Variants in EYA4 observed in about 807,000 individuals in gnomAD.
The protein encoded by EYA4 is EYA transcriptional coactivator and phosphatase 4, also known as protein phosphatase EYA4.
A neutral mutation model predicts 87.9 loss-of-function variants in EYA4; 31 were observed. The ratio of observed to expected loss-of-function variants is 0.35; its 90% confidence interval spans 0.27 to 0.48. EYA4 has a LOEUF of 0.48. EYA4 is among the 20% of genes least tolerant of loss of function. The pLI, the probability that EYA4 is intolerant of heterozygous loss-of-function variation, is 0.99. For synonymous variants in EYA4, 263 were observed against 270.6 expected (o/e 0.97, Z 0.28); for missense variants, 678 against 761.4 (o/e 0.89, Z 1.29).
chr6:133,531,282 C>A lies in EYA4; in HGVS notation c.*2477C>A. ...TTGTCTGGCACAACAATGGTGCAGG[C>A]CCACGAGCCAGCATCACAGCTTGGC... On this transcript the variant is annotated 3_prime_UTR_variant, in exon 20 of 20. Transcript: ENST00000355286. The A allele has an allele frequency of 7.4e-7, 1 of 1,345,410 alleles. No homozygotes were observed. The highest frequency in any genetic ancestry group is 1.0e-6 in the Non-Finnish European group (1 of 974,848). 83.3% of individuals were successfully genotyped at this position (1,345,410 alleles called of 1,614,324 possible).
intron 2 of EYA4, among the ~76,000 whole-genome samples, chr6:133,354,531 C>G (rs189461123): frequency 6.6e-6 from 1 of 152,234 alleles, no homozygotes; most frequent in East Asian, 1.9e-4. Context: ...GTTATTTTAT[C>G]TTAATTTTTC....
intron 2 of EYA4, among the ~76,000 whole-genome samples, chr6:133,315,692 C>T (rs995195182): frequency 5.3e-5 from 8 of 152,000 alleles, no homozygotes; most frequent in South Asian, 2.1e-4. Context: ...ATGTAAACCA[C>T]GGAGACAAAC....
At chr6:133,497,846 C>T (rs1797765972) in intron 13 of EYA4, among the ~76,000 whole-genome samples, 1 of 152,026 alleles carries the variant, frequency 6.6e-6, no homozygotes, top group African/African-American at 2.4e-5. Context: ...GAGGAAATAG[C>T]CCAAGTCAGG....
intron 3 of EYA4, among the ~76,000 whole-genome samples, chr6:133,424,531 A>G (rs1405558471): frequency 6.6e-6 from 1 of 151,900 alleles, no homozygotes; most frequent in Non-Finnish European, 1.5e-5. Context: ...GCCTATAAGG[A>G]TGGGGGTCCT....
chr6:133,468,764 T>C, intron 11 of EYA4, 33 bp downstream of exon 11: 1 of 1,609,464 alleles, frequency 6.2e-7, no homozygotes, highest in Non-Finnish European at 8.5e-7. Context: ...AATACTTTTA[T>C]ATGTTTTGCA....
Position 133,468,672 on chromosome 6 carries a change from C to G in EYA4, c.911C>G (p.Pro304Arg). The change falls in exon 11 of 20, where the codon CCC becomes CGC. Residue 304 changes from proline to arginine, a missense_variant. By Grantham distance (103) the Pro-to-Arg change is moderately radical (BLOSUM62 -2). Coordinates refer to ENST00000355286, the MANE Select transcript of EYA4 (RefSeq NM_004100.5). Reference protein sequence around the residue: ...MTSNNTADGTPSSTSTYQLQE... With the variant: ...MTSNNTADGTRSSTSTYQLQE... ...TCGAATAACACAGCCGATGGCACAC[C>G]CTCTTCAACCTCTACTTATCAGTTG... 1 of 1,613,028 alleles carries G rather than the reference C, an allele frequency of 6.2e-7. No individual in the cohort carries two copies. The highest frequency in any genetic ancestry group is 8.5e-7 in the Non-Finnish European group (1 of 1,179,248).
chr6:133,424,519 C>CA (rs1790486235), intron 3 of EYA4, among the ~76,000 whole-genome samples: 1 of 145,022 alleles, frequency 6.9e-6, no homozygotes, highest in Non-Finnish European at 1.5e-5. Context: ...ACCCCCCCCC[C>CA]AGCCTATAAG....
Position 133,298,749 on chromosome 6 carries a change from T to C in EYA4, c.33+23936T>C, listed in dbSNP as rs142232300. On this transcript the variant is annotated intron_variant, in intron 2 of 19. Transcript: ENST00000355286. ...AGTTCCTGGCTCAGAGGATATACTT[T>C]TAAATTATTTGCTAAAAATATGAGG... 1.5e-3 allele frequency among the ~76,000 whole-genome samples: 226 copies of C among 152,338 alleles called. 1 individual carries two copies. Among genetic ancestry groups the C allele is most frequent in the African/African-American group, 5.1e-3 (213 of 41,572 alleles).
chr6:133,440,217 T>C (rs563350302), intron 3 of EYA4, among the ~76,000 whole-genome samples: 20 of 148,286 alleles, frequency 1.3e-4, no homozygotes, highest in Non-Finnish European at 3.0e-4. Context: ...TATTCTATAA[T>C]GTGCCTATAT....
chr6:133,270,917 C>T (rs1001071669), intron 1 of EYA4, among the ~76,000 whole-genome samples: 1 of 152,136 alleles, frequency 6.6e-6, no homozygotes, highest in Non-Finnish European at 1.5e-5. Context: ...GTAGGAGGAG[C>T]CCAAAGTGTC....
chr6:133,456,632 C>T lies in EYA4; in HGVS notation c.354C>T (p.Asp118=). 3.1e-6 allele frequency: 5 copies of T among 1,612,374 alleles called. No individual in the cohort carries two copies. The highest frequency in any genetic ancestry group is 4.2e-6 in the Non-Finnish European group (5 of 1,178,460). Reference sequence around the variant, plus strand: ...CCACGACTGGAGATGGAGCGCTTGACACTTTTACTGGGTCAGGTAAAGCCT... The same window carrying T: ...CCACGACTGGAGATGGAGCGCTTGATACTTTTACTGGGTCAGGTAAAGCCT... ...TTATTGDGAL[D]TFTGSVITSS... The change falls in exon 6 of 20, where the codon GAC becomes GAT. Residue 118 remains aspartate (D), a synonymous_variant. Transcript: ENST00000355286.
At chr6:133,340,239 A>G (rs1270037370) in intron 2 of EYA4, among the ~76,000 whole-genome samples, 2 of 152,220 alleles carry the variant, frequency 1.3e-5, no homozygotes, top group Non-Finnish European at 2.9e-5. Context: ...GTATAGACAC[A>G]GAAAAACCAT....
intron 10 of EYA4, among the ~76,000 whole-genome samples, chr6:133,465,643 G>A (rs183381410): frequency 1.3e-5 from 2 of 152,214 alleles, no homozygotes; most frequent in African/African-American, 4.8e-5. Flanking sequence ...CATGTTCGAA[G>A]TAGTTGAGAT....
intron 1 of EYA4, among the ~76,000 whole-genome samples, chr6:133,253,730 G>T (rs1040305354): frequency 1.3e-5 from 2 of 152,024 alleles, no homozygotes; most frequent in Admixed American, 6.6e-5. Context: ...CTTCCTTAAG[G>T]CTCAGGCAGA....
chr6:133,467,628 T>C (rs1317123947), intron 10 of EYA4, among the ~76,000 whole-genome samples: 2 of 152,098 alleles, frequency 1.3e-5, no homozygotes, highest in Non-Finnish European at 2.9e-5. Flanking sequence ...TATGAAGATA[T>C]ACATATTTAC....
chr6:133,242,376 C>T (rs1774023817), intron 1 of EYA4, among the ~76,000 whole-genome samples: 1 of 152,190 alleles, frequency 6.6e-6, no homozygotes, highest in African/African-American at 2.4e-5. Flanking sequence ...CTGAATGTCT[C>T]CTGCAGTTTG....
intron 3 of EYA4, among the ~76,000 whole-genome samples, chr6:133,404,983 G>A (rs1034221613): frequency 1.3e-5 from 2 of 152,110 alleles, no homozygotes; most frequent in African/African-American, 4.8e-5. Context: ...CTTCAGACAT[G>A]CTATTCTCTG....
At chr6:133,407,752 G>T (rs539754631) in intron 3 of EYA4, among the ~76,000 whole-genome samples, 57 of 151,744 alleles carry the variant, frequency 3.8e-4, no homozygotes, top group Non-Finnish European at 7.5e-4. Flanking sequence ...AAAAATAAAA[G>T]AAAAATACTG....
chr6:133,427,659 G>A (rs1790790860), intron 3 of EYA4, among the ~76,000 whole-genome samples: 1 of 152,152 alleles, frequency 6.6e-6, no homozygotes. Flanking sequence ...GGAAGCCATT[G>A]GAGAACCATT....
Sources: gnomAD v4.1 joint callset for allele counts (sites outside exome capture counted in the v4.1 genomes callset) on GRCh38, gnomAD v4.1.1 for gene constraint, MANE v1.5 for transcripts, NCBI Gene and HGNC (gene_info 2026-07-23, HGNC 2026-07-21) for gene names.